Variants in ASPRV1 observed in about 807,000 individuals in gnomAD.
ASPRV1 encodes the protein aspartic peptidase retroviral like 1, also known as retroviral-like aspartic protease 1.
A neutral mutation model predicts 11.0 loss-of-function variants in ASPRV1; 7 were observed. The ratio of observed to expected loss-of-function variants is 0.64; its 90% CI spans 0.36 to 1.20. The LOEUF (loss-of-function observed/expected upper bound fraction) is 1.20, where lower values mean the gene tolerates loss of function less well. Ranked by LOEUF, ASPRV1 falls within the 50% of genes most tolerant of loss-of-function variation. The pLI, the probability that ASPRV1 is intolerant of heterozygous loss-of-function variation, is 0.02. For missense variants in ASPRV1, 299 were observed against 320.0 expected (o/e 0.93, Z 0.50); for synonymous variants, 136 against 138.4 (o/e 0.98, Z 0.12).
the ASPRV1 span, among the ~76,000 whole-genome samples, chr2:70,040,579 T>C: frequency 3.3e-5 from 5 of 152,150 alleles, no homozygotes; most frequent in Non-Finnish European, 5.9e-5. Flanking sequence ...CTCACGCCTG[T>C]AATCCCAGCA....
chr2:70,023,171 A>T, the ASPRV1 span, among the ~76,000 whole-genome samples: 1 of 152,230 alleles, frequency 6.6e-6, no homozygotes, highest in Non-Finnish European at 1.5e-5. Flanking sequence ...GGCTGGTTTC[A>T]CCGACAACCC....
chr2:70,080,443 T>C, the ASPRV1 span, among the ~76,000 whole-genome samples: 6 of 152,294 alleles, frequency 3.9e-5, no homozygotes, highest in South Asian at 4.1e-4. Flanking sequence ...GCCAGGCTGG[T>C]CTCGAACTCC....
the ASPRV1 span, among the ~76,000 whole-genome samples, chr2:69,951,360 C>A: frequency 6.9e-6 from 1 of 145,394 alleles, no homozygotes; most frequent in South Asian, 2.2e-4. Flanking sequence ...GGAGGCGGAG[C>A]TTGCAGTGAG....
At chr2:70,085,317 C>G in the ASPRV1 span, among the ~76,000 whole-genome samples, 1 of 152,154 alleles carries the variant, frequency 6.6e-6, no homozygotes, top group African/African-American at 2.4e-5. Flanking sequence ...TCACTTCCCC[C>G]TCCCTATCCT....
chr2:70,083,873 T>C, the ASPRV1 span, among the ~76,000 whole-genome samples: 20 of 152,158 alleles, frequency 1.3e-4, no homozygotes, highest in South Asian at 3.7e-3. Context: ...GACAGATGAG[T>C]TGTAGAAGTC....
the ASPRV1 span, among the ~76,000 whole-genome samples, chr2:69,989,876 G>A: frequency 6.6e-6 from 1 of 152,250 alleles, no homozygotes; most frequent in East Asian, 1.9e-4. Context: ...CATAGACAGG[G>A]TTCAGTAACT....
the ASPRV1 span, among the ~76,000 whole-genome samples, chr2:70,073,472 T>C: frequency 1.3e-5 from 2 of 152,090 alleles, no homozygotes; most frequent in African/African-American, 4.8e-5. Context: ...AGAATAAGAG[T>C]ACCTATTTTG....
chr2:69,974,036 A>C, the ASPRV1 span, among the ~76,000 whole-genome samples: 4 of 152,230 alleles, frequency 2.6e-5, no homozygotes, highest in Non-Finnish European at 2.9e-5. Context: ...AGAATAAAGA[A>C]TAATAAAATA....
chr2:70,065,338 C>G, the ASPRV1 span, among the ~76,000 whole-genome samples: 2 of 144,372 alleles, frequency 1.4e-5, no homozygotes, highest in Non-Finnish European at 3.0e-5. Flanking sequence ...TTGCAATGAG[C>G]CGAGATGGCG....
At chr2:70,055,297 G>C in the ASPRV1 span, among the ~76,000 whole-genome samples, 1 of 152,094 alleles carries the variant, frequency 6.6e-6, no homozygotes, top group South Asian at 2.1e-4. Flanking sequence ...GACAGAGCAA[G>C]ACTCCGTCTC....
At chr2:69,980,353 C>T in the ASPRV1 span, among the ~76,000 whole-genome samples, 1 of 152,218 alleles carries the variant, frequency 6.6e-6, no homozygotes, top group African/African-American at 2.4e-5. Flanking sequence ...CCACTAAAGC[C>T]ACATTGTTAT....
the ASPRV1 span, among the ~76,000 whole-genome samples, chr2:69,951,657 C>A: frequency 6.6e-6 from 1 of 151,568 alleles, no homozygotes; most frequent in African/African-American, 2.4e-5. Context: ...GCAAGCCTCA[C>A]TCATTGCTTT....
the ASPRV1 span, among the ~76,000 whole-genome samples, chr2:70,014,234 C>T: frequency 6.6e-6 from 1 of 152,194 alleles, no homozygotes; most frequent in South Asian, 2.1e-4. Flanking sequence ...AGGTGATGCA[C>T]AGAATGGGGG....
At chr2:69,979,920 C>T in the ASPRV1 span, among the ~76,000 whole-genome samples, 8 of 152,286 alleles carry the variant, frequency 5.3e-5, no homozygotes, top group East Asian at 5.8e-4. Flanking sequence ...AGTGACTTCA[C>T]GATCATCTTC....
downstream of ASPRV1, among the ~76,000 whole-genome samples, chr2:69,959,134 G>C (rs930230969): frequency 1.3e-5 from 2 of 152,172 alleles, no homozygotes; most frequent in East Asian, 1.9e-4. Context: ...CCTGCCTTCT[G>C]TCTCTCCCTC....
chr2:69,955,613 AAGAAGTCAC>A (rs1323776873), downstream of ASPRV1, among the ~76,000 whole-genome samples: 49 of 152,336 alleles, frequency 3.2e-4, no homozygotes, highest in South Asian at 9.9e-3. Flanking sequence ...TTATTAGAGA[AAGAAGTCAC>A]AAATCTCAAG....
chr2:70,002,350 T>C, the ASPRV1 span, among the ~76,000 whole-genome samples: 1 of 152,214 alleles, frequency 6.6e-6, no homozygotes, highest in Non-Finnish European at 1.5e-5. Flanking sequence ...GGGTAAGGTT[T>C]GTGTCTCACA....
chr2:69,976,147 T>C, the ASPRV1 span: 3 of 152,480 alleles, frequency 2.0e-5, no homozygotes, highest in African/African-American at 7.2e-5. Context: ...CCCAGGTGCA[T>C]GGCCCTGGAA....
At chr2:70,075,347 CAAAAAAAAAAAA>C in the ASPRV1 span, 2 of 55,540 alleles carry the variant, frequency 3.6e-5, no homozygotes, top group East Asian at 4.7e-4. Context: ...GACAACATCT[CAAAAAAAAAAAA>C]AAAAAAAAAG....
Sources: gnomAD v4.1 joint callset for allele counts (sites outside exome capture counted in the v4.1 genomes callset) on GRCh38, gnomAD v4.1.1 for gene constraint, MANE v1.5 for transcripts, NCBI Gene and HGNC (gene_info 2026-07-23, HGNC 2026-07-21) for gene names.